Variants in WFDC10B observed in about 807,000 individuals in gnomAD.
The protein encoded by WFDC10B is protein WFDC10B.
WFDC10B carries 1 observed loss-of-function variant against 2.7 expected under a neutral mutation model. The observed-to-expected ratio is 0.38, with a 90% CI of 0.13 to 1.79. The LOEUF (loss-of-function observed/expected upper bound fraction) is 1.79, where lower values mean the gene tolerates loss of function less well. Among genes scored for constraint, WFDC10B ranks in the 40% most tolerant of loss-of-function variants. The probability of loss-of-function intolerance (pLI) is 0.33; values close to 1 mark genes in which losing one functional copy is unlikely to be tolerated. For synonymous variants in WFDC10B, 26 were observed against 32.2 expected, an observed-to-expected ratio of 0.81 and a Z score of 0.65; for missense variants, 71 against 87.8, an observed-to-expected ratio of 0.81 and a Z score of 0.76.
intron 1 of WFDC10B, 103 bp from the exon 2 acceptor site, chr20:45,704,664 C>T: frequency 8.3e-6 from 13 of 1,569,146 alleles, no homozygotes; most frequent in Non-Finnish European, 1.1e-5. Flanking sequence ...GAGTCCCTTA[C>T]CAGCAACTGT....
At chr20:45,704,695 T>C in intron 1 of WFDC10B, 134 bp from the exon 2 acceptor site, 1 of 1,513,086 alleles carries the variant, frequency 6.6e-7, no homozygotes, top group South Asian at 1.3e-5. Context: ...TCCTTTTTTT[T>C]TTTTTTCCTT....
At chr20:45,704,692 T>C in intron 1 of WFDC10B, 131 bp from the exon 2 acceptor site, 1 of 1,512,776 alleles carries the variant, frequency 6.6e-7, no homozygotes. Flanking sequence ...CTCTCCTTTT[T>C]TTTTTTTTTC....
At chr20:45,691,407 T>G (rs547150331) in intron 2 of WFDC10B, among the ~76,000 whole-genome samples, 35 of 150,882 alleles carry the variant, frequency 2.3e-4, no homozygotes, top group African/African-American at 8.5e-4. Flanking sequence ...ACTTTCTGTC[T>G]CGTTGATCTG....
In WFDC10B at chr20:45,684,869, ACAG is replaced by A. The variant is rs765485832; in HGVS notation, c.180_182del (p.Cys61del). Reference sequence around the variant, plus strand: ...TACAAATGTTCCCACAGAAGGCTGAACAGCATATCTTATTTGTTTCACACTTTT... The same window carrying A: ...TACAAATGTTCCCACAGAAGGCTGAACATATCTTATTTGTTTCACACTTTT... On this transcript the variant is annotated inframe_deletion, in exon 4 of 4. Coordinates refer to ENST00000330523, the MANE Select transcript of WFDC10B (RefSeq NM_172006.2). 5.6e-6 allele frequency: 9 copies of A among 1,614,064 alleles called. No homozygotes were observed. The highest frequency in any genetic ancestry group is 6.8e-6 in the Non-Finnish European group (8 of 1,179,948).
intron 2 of WFDC10B, among the ~76,000 whole-genome samples, chr20:45,688,217 T>C (rs1222546451): frequency 6.6e-6 from 1 of 152,134 alleles, no homozygotes; most frequent in African/African-American, 2.4e-5. Flanking sequence ...TCATTTTTTA[T>C]GGCTGCATAG....
intron 2 of WFDC10B, among the ~76,000 whole-genome samples, chr20:45,700,981 T>C (rs1984136016): frequency 6.6e-6 from 1 of 152,198 alleles, no homozygotes; most frequent in Non-Finnish European, 1.5e-5. Flanking sequence ...GAAGAAAAGA[T>C]CCAAGCTTTA....
At chr20:45,694,534 G>A (rs1983923521) in intron 2 of WFDC10B, among the ~76,000 whole-genome samples, 1 of 152,080 alleles carries the variant, frequency 6.6e-6, no homozygotes, top group Non-Finnish European at 1.5e-5. Flanking sequence ...AATATATGAA[G>A]CAAACACCAC....
intron 2 of WFDC10B, among the ~76,000 whole-genome samples, chr20:45,690,415 G>A (rs1376822264): frequency 6.6e-6 from 1 of 151,966 alleles, no homozygotes; most frequent in Non-Finnish European, 1.5e-5. Flanking sequence ...AGAAGGAATG[G>A]TACCAGTTCC....
chr20:45,704,531 T>C lies in WFDC10B; in HGVS notation c.-99A>G, dbSNP rs1298025348. The C allele has an allele frequency of 6.2e-7, 1 of 1,614,044 alleles. No individual in the cohort carries two copies. Among genetic ancestry groups the C allele is most frequent in the East Asian group, 2.2e-5 (1 of 44,898 alleles). The stretch of plus-strand genomic sequence containing the variant: ...ATGCAGGAAGATTGCGAGAAAGGAT[T>C]TCAGTGCTGTTCCTCCTTCTGTGGG... On this transcript the variant is annotated 5_prime_UTR_variant, in exon 2 of 4. Coordinates refer to ENST00000330523, the MANE Select transcript of WFDC10B (RefSeq NM_172006.2).
intron 3 of WFDC10B, among the ~76,000 whole-genome samples, chr20:45,685,569 C>A (rs1417509395): frequency 6.6e-6 from 1 of 152,222 alleles, no homozygotes; most frequent in Non-Finnish European, 1.5e-5. Context: ...TCACTCCTCA[C>A]AAATGTGCAT....
intron 2 of WFDC10B, among the ~76,000 whole-genome samples, chr20:45,696,353 A>T (rs1983980306): frequency 6.6e-6 from 1 of 151,708 alleles, no homozygotes. Flanking sequence ...AACTAGAAAG[A>T]GAAGAACAAA....
intron 2 of WFDC10B, chr20:45,702,247 C>T (rs1984194520): frequency 6.3e-7 from 1 of 1,586,906 alleles, no homozygotes; most frequent in Non-Finnish European, 8.6e-7. Context: ...AGGGAAGTAA[C>T]ATGTGTGGAT....
At chr20:45,685,770 G>A (rs1983591291) in intron 3 of WFDC10B, 132 bp downstream of exon 3, 2 of 1,437,472 alleles carry the variant, frequency 1.4e-6, no homozygotes, top group Non-Finnish European at 1.9e-6. Flanking sequence ...ACAGCCCAGA[G>A]TCTGCACAGC....
intron 2 of WFDC10B, among the ~76,000 whole-genome samples, chr20:45,690,169 C>G (rs543551183): frequency 2.6e-5 from 4 of 151,478 alleles, no homozygotes; most frequent in African/African-American, 9.7e-5. Flanking sequence ...TTGAACCAGC[C>G]TTGCATCCCA....
chr20:45,696,285 CAA>C (rs368423161), intron 2 of WFDC10B, among the ~76,000 whole-genome samples: 5 of 48,186 alleles, frequency 1.0e-4, no homozygotes, highest in Admixed American at 2.1e-4. Context: ...GACTCCGTCT[CAA>C]AAAAAAAAAA....
intron 2 of WFDC10B, among the ~76,000 whole-genome samples, chr20:45,696,995 A>G (rs973874973): frequency 2.6e-4 from 39 of 152,172 alleles, no homozygotes; most frequent in African/African-American, 8.9e-4. Flanking sequence ...ACCTATAAAA[A>G]ACTATATACA....
chr20:45,702,052 TCTC>T (rs1365738241), intron 2 of WFDC10B: 2 of 1,446,864 alleles, frequency 1.4e-6, no homozygotes, highest in Non-Finnish European at 9.5e-7. Context: ...TTCCTTCTCT[TCTC>T]CTCACAGCAG....
intron 2 of WFDC10B, among the ~76,000 whole-genome samples, chr20:45,686,284 T>C (rs571176097): frequency 5.3e-5 from 8 of 152,340 alleles, no homozygotes; most frequent in African/African-American, 1.9e-4. Flanking sequence ...AGGTACTCTT[T>C]ATTTCTGCTT....
intron 3 of WFDC10B, among the ~76,000 whole-genome samples, chr20:45,685,655 T>C (rs1290815178): frequency 6.6e-6 from 1 of 152,214 alleles, no homozygotes; most frequent in Admixed American, 6.5e-5. Context: ...GATGTACCAT[T>C]TGTCTCTAAG....
Sources: gnomAD v4.1 joint callset for allele counts (sites outside exome capture counted in the v4.1 genomes callset) on GRCh38, gnomAD v4.1.1 for gene constraint, MANE v1.5 for transcripts, NCBI Gene and HGNC (gene_info 2026-07-23, HGNC 2026-07-21) for gene names.